The following PLCB1 variants were observed in gnomAD, a reference collection of about 807,000 sequenced individuals.
PLCB1 encodes 1-phosphatidylinositol 4,5-bisphosphate phosphodiesterase beta-1.
In PLCB1, 46 loss-of-function variants were observed where a neutral mutation model predicts 161.8. The observed-to-expected ratio is 0.28, with a 90% CI of 0.22 to 0.36. The LOEUF (loss-of-function observed/expected upper bound fraction) is 0.36, where lower values mean the gene tolerates loss of function less well. Ranked by LOEUF, PLCB1 falls within the 10% of genes least tolerant of loss-of-function variation. PLCB1 has a pLI of 1.00. For synonymous variants in PLCB1, 517 were observed against 503.7 expected (o/e 1.03, Z -0.35); for missense variants, 1,016 against 1,472.5 (o/e 0.69, Z 5.07).
chr20:8,469,038 C>T (rs1981937543), intron 3 of PLCB1, among the ~76,000 whole-genome samples: 1 of 152,298 alleles, frequency 6.6e-6, no homozygotes, highest in Non-Finnish European at 1.5e-5. Flanking sequence ...CCTGAGATTG[C>T]TGCATTTCCC....
intron 4 of PLCB1, among the ~76,000 whole-genome samples, chr20:8,629,959 CTTTCTTCTTTCTTTCT>C (rs1248126741): frequency 3.9e-5 from 4 of 102,270 alleles, no homozygotes; most frequent in African/African-American, 1.9e-4. Context: ...TCTTTTCTTT[CTTTCTTCTTTCTTTCT>C]TTCTTTCTTT....
chr20:8,430,516 T>C (rs1979992554), intron 3 of PLCB1, among the ~76,000 whole-genome samples: 1 of 152,184 alleles, frequency 6.6e-6, no homozygotes, highest in Non-Finnish European at 1.5e-5. Context: ...AATGCAAGTC[T>C]CATGGGTATA....
chr20:8,554,922 A>G (rs1985900587), intron 3 of PLCB1, among the ~76,000 whole-genome samples: 1 of 152,144 alleles, frequency 6.6e-6, no homozygotes, highest in Non-Finnish European at 1.5e-5. Flanking sequence ...TTTGCATTTA[A>G]GAAAATGCTC....
chr20:8,827,951 A>G (rs1048577751), intron 31 of PLCB1, among the ~76,000 whole-genome samples: 3 of 152,250 alleles, frequency 2.0e-5, no homozygotes, highest in Admixed American at 6.5e-5. Flanking sequence ...TATAGTCTGC[A>G]AAGTCTAAAA....
chr20:8,168,259 T>C (rs555500290), intron 2 of PLCB1, among the ~76,000 whole-genome samples: 1 of 152,308 alleles, frequency 6.6e-6, no homozygotes, highest in East Asian at 1.9e-4. Flanking sequence ...GAAGAATAAT[T>C]TGTGACTGTT....
At chr20:8,797,181 G>A (rs1391734945) in intron 31 of PLCB1, among the ~76,000 whole-genome samples, 1 of 151,988 alleles carries the variant, frequency 6.6e-6, no homozygotes, top group African/African-American at 2.4e-5. Context: ...TTCTTGAGAG[G>A]TTAACTGTTA....
At chr20:8,177,894 A>G (rs1056799607) in intron 2 of PLCB1, among the ~76,000 whole-genome samples, 12 of 152,106 alleles carry the variant, frequency 7.9e-5, no homozygotes, top group African/African-American at 2.4e-4. Flanking sequence ...CTTTCTGGAC[A>G]GAAATGTGTA....
chr20:8,789,869 T>C lies in PLCB1; in HGVS notation c.3336+294T>C, dbSNP rs4816087. 0.25 allele frequency among the ~76,000 whole-genome samples: 38,222 copies of C among 152,144 alleles called. 5,328 individuals are homozygous for C. The highest frequency in any genetic ancestry group is 0.35 in the South Asian group (1,696 of 4,820). ...CAAAAGAACCTTTAATTGTCATCAA[T>C]GATAGAGATGATGGCAACCTCGAAG... On this transcript the variant is annotated intron_variant, in intron 30 of 31. Transcript: ENST00000338037.
chr20:8,760,954 G>A (rs1981991302), intron 25 of PLCB1, among the ~76,000 whole-genome samples: 2 of 152,162 alleles, frequency 1.3e-5, no homozygotes, highest in South Asian at 4.1e-4. Flanking sequence ...GTATGTAGTG[G>A]AATCTTAAAA....
rs369188885 is a variant in PLCB1 at position 8,881,358 on chromosome 20, T to TGTGTGTGTGTGTGTGC, written c.3424-263_3424-262insTGTGTGTGTGTGTGCG. On this transcript the variant is annotated intron_variant, in intron 31 of 31. Transcript: ENST00000338037. Reference sequence around the variant, plus strand: ...GTGTGTGTGTGTGTGTGTGTGTGTGTGCATTTGTAGATACCGCTATTCATC... The same window carrying TGTGTGTGTGTGTGTGC: ...GTGTGTGTGTGTGTGTGTGTGTGTGTGTGTGTGTGTGTGTGCGCATTTGTAGATACCGCTATTCATC... Among the ~76,000 whole-genome samples the TGTGTGTGTGTGTGTGC allele has an allele frequency of 0.016, 2,429 of 150,556 alleles. 27 individuals are homozygous for TGTGTGTGTGTGTGTGC. The highest frequency in any genetic ancestry group is 0.061 in the Middle Eastern group (18 of 294).
intron 2 of PLCB1, among the ~76,000 whole-genome samples, chr20:8,296,836 G>A (rs1423632376): frequency 1.3e-5 from 2 of 152,128 alleles, no homozygotes; most frequent in Non-Finnish European, 2.9e-5. Context: ...CTTTTCCATC[G>A]TTGTAGCTTC....
At chr20:8,312,252 C>A (rs1180976934) in intron 2 of PLCB1, among the ~76,000 whole-genome samples, 3 of 152,130 alleles carry the variant, frequency 2.0e-5, no homozygotes, top group African/African-American at 2.4e-5. Context: ...CTCACGTCCG[C>A]TTCTCAAGCG....
At chr20:8,436,657 T>A (rs1432557850) in intron 3 of PLCB1, among the ~76,000 whole-genome samples, 1 of 152,212 alleles carries the variant, frequency 6.6e-6, no homozygotes, top group Admixed American at 6.5e-5. Flanking sequence ...TACATACTTT[T>A]AACTACAAAT....
At chr20:8,470,868 C>G (rs1359332094) in intron 3 of PLCB1, among the ~76,000 whole-genome samples, 1 of 150,274 alleles carries the variant, frequency 6.7e-6, no homozygotes, top group Non-Finnish European at 1.5e-5. Flanking sequence ...TTGTTTTGGT[C>G]TTGTTTTGTT....
intron 1 of PLCB1, among the ~76,000 whole-genome samples, chr20:8,143,399 T>G (rs978252074): frequency 1.1e-4 from 16 of 152,336 alleles, no homozygotes; most frequent in African/African-American, 3.6e-4. Flanking sequence ...CACCCCTTCA[T>G]CCATTCATTC....
intron 4 of PLCB1, among the ~76,000 whole-genome samples, chr20:8,644,101 A>T (rs922473078): frequency 2.6e-5 from 4 of 152,170 alleles, no homozygotes; most frequent in Admixed American, 6.5e-5. Flanking sequence ...TCAGTGCTCA[A>T]TGGTGCCCAG....
chr20:8,684,888 A>G (rs1251843258), intron 9 of PLCB1, 44 bp from the exon 10 acceptor site: 14 of 1,533,822 alleles, frequency 9.1e-6, no homozygotes, highest in African/African-American at 1.4e-5. Flanking sequence ...CTTGACACCC[A>G]TAAAAGAATG....
Position 8,765,351 on chromosome 20 carries a change from A to G in PLCB1, c.2923A>G (p.Lys975Glu). Residue 975 changes from lysine to glutamate, a missense_variant, in exon 26 of 32, where the codon AAG (lysine) becomes GAG (glutamate). Physicochemically the swap from Lys to Glu is moderately conservative, Grantham distance 56 (BLOSUM62 1). Transcript: ENST00000338037. ...GGAAAAGTCCGCCAAAAAGGACAGT[A>G]AGAAAAAGTAAGTTCAATGAATATT... ...ALEKSAKKDS[K>E]KKSEPSSPDH... 2 of 1,603,232 alleles carry G rather than the reference A, an allele frequency of 1.2e-6. No individual in the cohort carries two copies. The highest frequency in any genetic ancestry group is 1.7e-6 in the Non-Finnish European group (2 of 1,174,652).
intron 2 of PLCB1, among the ~76,000 whole-genome samples, chr20:8,271,986 T>C (rs189351895): frequency 1.3e-5 from 2 of 152,242 alleles, no homozygotes; most frequent in Non-Finnish European, 1.5e-5. Flanking sequence ...CAGTTTGATA[T>C]GTACGTTTGT....
Sources: allele counts gnomAD v4.1 joint callset (sites outside exome capture counted in the v4.1 genomes callset), GRCh38; gene constraint gnomAD v4.1.1; transcripts MANE v1.5; gene names NCBI Gene and HGNC (gene_info 2026-07-23, HGNC 2026-07-21).